The following SASH1 variants were observed in gnomAD, a reference collection of about 807,000 sequenced individuals.
The protein encoded by SASH1 is SAM and SH3 domain containing 1, also known as SAM and SH3 domain-containing protein 1.
Under a neutral mutation model 125.2 loss-of-function variants are expected in SASH1, and 44 were observed. The observed-to-expected ratio is 0.35, with a 90% CI of 0.28 to 0.45. The LOEUF (loss-of-function observed/expected upper bound fraction) is 0.45. Ranked by LOEUF, SASH1 falls within the 20% of genes least tolerant of loss-of-function variation. SASH1 has a pLI of 1.00. For synonymous variants in SASH1, 639 were observed against 649.1 expected, an observed-to-expected ratio of 0.98 and a Z score of 0.24; for missense variants, 1,426 against 1,614.5, an observed-to-expected ratio of 0.88 and a Z score of 2.00.
At chr6:148,262,977 G>GA in the SASH1 span, among the ~76,000 whole-genome samples, 1 of 152,186 alleles carries the variant, frequency 6.6e-6, no homozygotes, top group Admixed American at 6.5e-5. Context: ...TTCAGCACTA[G>GA]AAAAAACACC....
At chr6:148,343,306 C>G (rs961790182) in intron 1 of SASH1, 83 bp downstream of exon 1, 1 of 1,375,114 alleles carries the variant, frequency 7.3e-7, no homozygotes, top group Non-Finnish European at 9.9e-7. Context: ...TCTCGCCCAC[C>G]CACTGGGCAA....
At chr6:148,475,977 C>T (rs1778320645) in intron 7 of SASH1, among the ~76,000 whole-genome samples, 1 of 152,118 alleles carries the variant, frequency 6.6e-6, no homozygotes. Context: ...ATTTTCACTA[C>T]TGTTATTCCA....
chr6:148,462,728 C>G (rs988043047), intron 4 of SASH1, among the ~76,000 whole-genome samples: 2 of 152,154 alleles, frequency 1.3e-5, no homozygotes, highest in Non-Finnish European at 2.9e-5. Flanking sequence ...AATGGTATCC[C>G]CTTTCTGTCT....
At chr6:148,359,890 C>CT (rs780815814) in intron 1 of SASH1, among the ~76,000 whole-genome samples, 6 of 152,196 alleles carry the variant, frequency 3.9e-5, no homozygotes, top group Non-Finnish European at 5.9e-5. Context: ...TCCTGAGTAG[C>CT]TGGGACTACA....
intron 2 of SASH1, among the ~76,000 whole-genome samples, chr6:148,410,269 C>A (rs1227000381): frequency 6.6e-6 from 1 of 151,592 alleles, no homozygotes; most frequent in Non-Finnish European, 1.5e-5. Flanking sequence ...CGCCACCACG[C>A]CCAGCTAATT....
Position 148,390,198 on chromosome 6 carries a change from T to C in SASH1, c.221T>C (p.Phe74Ser), listed in dbSNP as rs1783640548. The C allele has an allele frequency of 1.2e-6, 2 of 1,613,530 alleles. No individual in the cohort carries two copies. The highest frequency in any genetic ancestry group is 2.7e-5 in the African/African-American group (2 of 75,008). ...QQYADYYNTCFSDVCERMEEL... is the reference protein window; with the variant it reads ...QQYADYYNTCSSDVCERMEEL... ...TATGCAGATTATTACAACACCTGTT[T>C]CTCCGACGTGTGCGAGAGGATGGAG... The change falls in exon 2 of 20, where the codon TTC (phenylalanine) becomes TCC (serine). Residue 74 changes from phenylalanine (F) to serine (S), a missense_variant. By Grantham distance (155) the Phe-to-Ser change is radical (BLOSUM62 -2). This residue lies in a region of SASH1 where 567 missense variants were observed against 575.6 expected (regional missense o/e 0.99). Transcript: ENST00000367467.
chr6:148,296,530 A>C (rs1374498163), intron 1 of SASH1, among the ~76,000 whole-genome samples: 6 of 152,202 alleles, frequency 3.9e-5, no homozygotes, highest in Admixed American at 2.0e-4. Context: ...ACAATATTTC[A>C]TGTAACTCTA....
intron 2 of SASH1, among the ~76,000 whole-genome samples, chr6:148,438,953 T>C (rs1400621439): frequency 6.6e-6 from 1 of 152,176 alleles, no homozygotes; most frequent in Admixed American, 6.5e-5. Context: ...AAAGTATAAC[T>C]TTGCTCTGAG....
chr6:148,234,798 G>T, the SASH1 span, among the ~76,000 whole-genome samples: 1 of 151,212 alleles, frequency 6.6e-6, no homozygotes, highest in Non-Finnish European at 1.5e-5. Flanking sequence ...TTGCACTCCA[G>T]CCTGGGCAAG....
intron 1 of SASH1, among the ~76,000 whole-genome samples, chr6:148,326,323 C>CATATATATATATATATATAT (rs56276306): frequency 4.1e-4 from 4 of 9,826 alleles, no homozygotes; most frequent in African/African-American, 4.1e-4. Flanking sequence ...CCACCGCATG[C>CATATATATATATATATATAT]ATATATATAT....
intron 1 of SASH1, among the ~76,000 whole-genome samples, chr6:148,318,687 G>T (rs1471091851): frequency 7.0e-6 from 1 of 143,788 alleles, no homozygotes; most frequent in African/African-American, 2.4e-5. Context: ...CGAGTAGCTC[G>T]GACTACAGGC....
chr6:148,370,245 A>G (rs1782658287), intron 1 of SASH1, among the ~76,000 whole-genome samples: 1 of 152,166 alleles, frequency 6.6e-6, no homozygotes, highest in South Asian at 2.1e-4. Flanking sequence ...ATATAGACAA[A>G]ACCCAAGACA....
Position 148,342,894 on chromosome 6 carries a change from C to A in SASH1, c.-174C>A. Reference sequence around the variant, plus strand: ...CCCGTGGCCACCTAGACCCGAGGTGCGGGCGCCTGCGAAGGGCCCCCGCGG... The same window carrying A: ...CCCGTGGCCACCTAGACCCGAGGTGAGGGCGCCTGCGAAGGGCCCCCGCGG... On this transcript the variant is annotated 5_prime_UTR_variant, in exon 1 of 20. Coordinates refer to ENST00000367467, the MANE Select transcript of SASH1 (RefSeq NM_015278.5). 2.7e-6 allele frequency: 1 copy of A among 373,346 alleles called. No individual in the cohort carries two copies. Among genetic ancestry groups the A allele is most frequent in the Non-Finnish European group, 3.7e-6 (1 of 270,460 alleles). The allele number at this position is 373,346 out of a possible 1,614,324, so 23.1% of individuals were successfully genotyped here.
At chr6:148,441,983 G>A (rs570905205) in intron 4 of SASH1, among the ~76,000 whole-genome samples, 1 of 152,318 alleles carries the variant, frequency 6.6e-6, no homozygotes, top group Non-Finnish European at 1.5e-5. Context: ...CAAACTTAAT[G>A]TGTTTCTAAA....
intron 1 of SASH1, among the ~76,000 whole-genome samples, chr6:148,301,117 G>A (rs192359727): frequency 2.6e-5 from 4 of 151,786 alleles, no homozygotes; most frequent in Non-Finnish European, 4.4e-5. Context: ...AACTGCAGTC[G>A]GGAGTTCGAG....
rs534202487 is a variant in SASH1, at chr6:148,335,464, CAAAAAA to C, written n.75-54654_75-54649del. Among the ~76,000 whole-genome samples, 11 of 79,906 alleles carry C rather than the reference CAAAAAA, an allele frequency of 1.4e-4. No homozygotes were observed. The Admixed American group carries it at 1.6e-3, about 12-fold the overall frequency. 52.4% of individuals were successfully genotyped at this position (79,906 alleles called of 152,430 possible). A position where few individuals can be genotyped will look rare whatever the true frequency, so the allele number is the denominator to read the frequency against. ...TGGGCAACAGCGTGAGACTCTGTCTCAAAAAAAAAAAAAAAAAAAAAGAATTCAAAT... is the reference window on the plus strand; with the variant it reads ...TGGGCAACAGCGTGAGACTCTGTCTCAAAAAAAAAAAAAAAGAATTCAAAT... On this transcript the variant is annotated intron_variant and non_coding_transcript_variant, in intron 1 of 3. Coordinates refer to the SASH1 transcript ENST00000367469.
chr6:148,408,944 C>T (rs1784486706), intron 2 of SASH1, among the ~76,000 whole-genome samples: 1 of 152,180 alleles, frequency 6.6e-6, no homozygotes, highest in Non-Finnish European at 1.5e-5. Flanking sequence ...GCCCCTGCCT[C>T]CCTCCCACCA....
chr6:148,517,301 T>C (rs986332948), intron 9 of SASH1, among the ~76,000 whole-genome samples: 1 of 152,170 alleles, frequency 6.6e-6, no homozygotes, highest in Non-Finnish European at 1.5e-5. Flanking sequence ...ATGCAGAGCA[T>C]ACCCCTGAGT....
At chr6:148,215,564 T>G in the SASH1 span, among the ~76,000 whole-genome samples, 1 of 152,160 alleles carries the variant, frequency 6.6e-6, no homozygotes, top group Non-Finnish European at 1.5e-5. Context: ...GATGCAGACA[T>G]TTTGCCAGAC....
Sources: allele counts gnomAD v4.1 joint callset (sites outside exome capture counted in the v4.1 genomes callset), GRCh38; gene constraint gnomAD v4.1.1; regional missense constraint gnomAD v4.1.1; transcripts MANE v1.5; gene names NCBI Gene and HGNC (gene_info 2026-07-23, HGNC 2026-07-21).